The following RBFOX1 variants were observed in gnomAD, a reference collection of about 807,000 sequenced individuals.
RBFOX1 encodes RNA binding fox-1 homolog 1.
A neutral mutation model predicts 57.7 loss-of-function variants in RBFOX1; 8 were observed. The ratio of observed to expected loss-of-function variants is 0.14; its 90% CI spans 0.08 to 0.25. The LOEUF is 0.25. Among genes scored for constraint, RBFOX1 ranks in the 10% least tolerant of loss-of-function variants. The probability of loss-of-function intolerance (pLI) is 1.00; values close to 1 mark genes in which losing one functional copy is unlikely to be tolerated. For synonymous variants in RBFOX1, 326 were observed against 222.4 expected (o/e 1.47, Z -4.15); for missense variants, 611 against 548.5 (o/e 1.11, Z -1.14).
chr16:5,638,328 C>G (rs1335299771), intron 3 of RBFOX1, among the ~76,000 whole-genome samples: 1 of 152,140 alleles, frequency 6.6e-6, no homozygotes, highest in Admixed American at 6.5e-5. Flanking sequence ...TGCCTTATGA[C>G]ACAGAGGTGA....
intron 3 of RBFOX1, among the ~76,000 whole-genome samples, chr16:6,712,533 C>G (rs57869914): frequency 3.9e-5 from 6 of 152,116 alleles, no homozygotes; most frequent in Admixed American, 3.3e-4. Context: ...TCCAGTGACA[C>G]AGGGCATCAT....
intron 1 of RBFOX1, among the ~76,000 whole-genome samples, chr16:6,299,124 C>G (rs777021294): frequency 3.3e-5 from 5 of 152,178 alleles, no homozygotes; most frequent in Non-Finnish European, 5.9e-5. Context: ...AATGCAGCAG[C>G]TGGTGGTAAC....
At chr16:7,029,484 A>C (rs925844471) in intron 3 of RBFOX1, among the ~76,000 whole-genome samples, 3 of 151,792 alleles carry the variant, frequency 2.0e-5, no homozygotes, top group African/African-American at 7.3e-5. Context: ...GGTTTAGGTG[A>C]CAAAGTCAGT....
intron 1 of RBFOX1, among the ~76,000 whole-genome samples, chr16:5,311,891 A>G (rs573314902): frequency 6.6e-6 from 1 of 151,830 alleles, no homozygotes; most frequent in South Asian, 2.1e-4. Flanking sequence ...CCTTCTCTTG[A>G]CTCCCATGGT....
chr16:5,317,900 G>A (rs1018640103), intron 1 of RBFOX1, among the ~76,000 whole-genome samples: 3 of 152,034 alleles, frequency 2.0e-5, no homozygotes, highest in Non-Finnish European at 4.4e-5. Context: ...TTCCTAAACA[G>A]AAACTCTATA....
chr16:6,704,345 C>T (rs144567366), intron 3 of RBFOX1: 2 of 152,316 alleles, frequency 1.3e-5, no homozygotes, highest in East Asian at 1.9e-4. Flanking sequence ...GACACAATGG[C>T]TCAGATTTAG....
intron 14 of RBFOX1, among the ~76,000 whole-genome samples, chr16:7,702,958 T>TC (rs1598485699): frequency 6.6e-6 from 1 of 152,156 alleles, no homozygotes; most frequent in African/African-American, 2.4e-5. Context: ...CCTTCTGATG[T>TC]CCCCCTTCTT....
At chr16:5,346,958 A>C (rs561341981) in intron 1 of RBFOX1, among the ~76,000 whole-genome samples, 1 of 151,972 alleles carries the variant, frequency 6.6e-6, no homozygotes, top group South Asian at 2.1e-4. Flanking sequence ...GTTCACTGAT[A>C]TCTGGCTTTT....
intron 3 of RBFOX1, among the ~76,000 whole-genome samples, chr16:6,791,490 G>A (rs533250062): frequency 1.3e-5 from 2 of 152,270 alleles, no homozygotes; most frequent in East Asian, 1.9e-4. Context: ...CAGTCACATT[G>A]GCTCACACCT....
chr16:7,663,505 G>A (rs1046917485), intron 12 of RBFOX1, among the ~76,000 whole-genome samples: 5 of 50,704 alleles, frequency 9.9e-5, no homozygotes, highest in Non-Finnish European at 1.6e-4. Flanking sequence ...TCAGTACAGC[G>A]TGTGTGTGTG....
At chr16:5,820,600 G>A (rs2151802530) in intron 3 of RBFOX1, among the ~76,000 whole-genome samples, 1 of 152,198 alleles carries the variant, frequency 6.6e-6, no homozygotes, top group East Asian at 1.9e-4. Flanking sequence ...GTTGTCAGAG[G>A]GCACCTGAAA....
At chr16:7,247,331 T>G (rs2094342741) in intron 4 of RBFOX1, among the ~76,000 whole-genome samples, 1 of 152,128 alleles carries the variant, frequency 6.6e-6, no homozygotes, top group South Asian at 2.1e-4. Context: ...ACACCCGCAG[T>G]GGAGGGGACA....
chr16:7,492,335 T>C (rs1023535840), intron 4 of RBFOX1, among the ~76,000 whole-genome samples: 18 of 152,176 alleles, frequency 1.2e-4, no homozygotes, highest in African/African-American at 4.3e-4. Context: ...GGTCAACTTT[T>C]CTACCTTAGT....
intron 4 of RBFOX1, among the ~76,000 whole-genome samples, chr16:5,869,305 T>C (rs552364455): frequency 6.6e-6 from 1 of 152,322 alleles, no homozygotes; most frequent in South Asian, 2.1e-4. Context: ...CTTTCTTCGT[T>C]TCCCCAGACA....
intron 3 of RBFOX1, among the ~76,000 whole-genome samples, chr16:5,692,005 T>A (rs2050694855): frequency 1.1e-5 from 1 of 91,798 alleles, no homozygotes; most frequent in Non-Finnish European, 2.3e-5. Flanking sequence ...ATGTGCACAT[T>A]TGGTAACTCT....
chr16:7,234,787 A>C (rs2152937316), intron 4 of RBFOX1, among the ~76,000 whole-genome samples: 1 of 152,046 alleles, frequency 6.6e-6, no homozygotes, highest in Non-Finnish European at 1.5e-5. Context: ...GACTACATTC[A>C]AACTCATTTT....
chr16:7,359,863 A>C (rs1206925454), intron 4 of RBFOX1, among the ~76,000 whole-genome samples: 1 of 152,164 alleles, frequency 6.6e-6, no homozygotes, highest in Non-Finnish European at 1.5e-5. Flanking sequence ...ATGCACCTGT[A>C]GTCCCAGCTG....
chr16:6,034,344 A>G (rs1356765364), intron 1 of RBFOX1, among the ~76,000 whole-genome samples: 6 of 149,920 alleles, frequency 4.0e-5, no homozygotes, highest in Admixed American at 6.7e-5. Context: ...AAAAAAAAAA[A>G]AAAAAAAAAA....
At chr16:6,474,555 T>C (rs1452075708) in intron 2 of RBFOX1, among the ~76,000 whole-genome samples, 2 of 152,232 alleles carry the variant, frequency 1.3e-5, no homozygotes, top group Non-Finnish European at 2.9e-5. Flanking sequence ...AAATTGCTCC[T>C]CATCACCACC....
Sources: allele counts gnomAD v4.1 joint callset (sites outside exome capture counted in the v4.1 genomes callset), GRCh38; gene constraint gnomAD v4.1.1; transcripts MANE v1.5; gene names NCBI Gene and HGNC (gene_info 2026-07-23, HGNC 2026-07-21).